The following NUP58 variants were observed in gnomAD, a reference collection of about 807,000 sequenced individuals.
NUP58 encodes nucleoporin 58.
In NUP58, 17 loss-of-function variants were observed where a neutral mutation model predicts 70.1. The ratio of observed to expected loss-of-function variants is 0.24; its 90% confidence interval spans 0.17 to 0.36. The LOEUF (loss-of-function observed/expected upper bound fraction) is 0.36. Ranked by LOEUF, NUP58 falls within the 10% of genes least tolerant of loss-of-function variation. The pLI is 1.00. For synonymous variants in NUP58, 275 were observed against 257.6 expected, an observed-to-expected ratio of 1.07 and a Z score of -0.65; for missense variants, 644 against 701.5, an observed-to-expected ratio of 0.92 and a Z score of 0.93.
intron 1 of NUP58, among the ~76,000 whole-genome samples, chr13:25,306,162 T>C (rs1471913884): frequency 6.6e-6 from 1 of 152,022 alleles, no homozygotes; most frequent in South Asian, 2.1e-4. Flanking sequence ...TCCCAGCACT[T>C]TGGGAGGCCG....
chr13:25,302,995 A>G (rs768294892), intron 1 of NUP58: 1 of 456,692 alleles, frequency 2.2e-6, no homozygotes, highest in South Asian at 1.5e-5. Context: ...CCCATGTGCA[A>G]GGCTCTGTTT....
rs2031766868 is a variant in NUP58, at chr13:25,335,983, A to G, written c.1436-953A>G. 9.9e-6 allele frequency: 11 copies of G among 1,108,660 alleles called. No homozygotes were observed. The South Asian group carries it at 2.3e-4, about 23-fold the overall frequency. The allele number at this position is 1,108,660 out of a possible 1,614,324, so 68.7% of individuals were successfully genotyped here. A position where few individuals can be genotyped will look rare whatever the true frequency, so the allele number is the denominator to read the frequency against. On this transcript the variant is annotated intron_variant, in intron 13 of 15. Coordinates refer to ENST00000381736, the MANE Select transcript of NUP58 (RefSeq NM_014089.4). ...TGTATTCTGCTTAGTTTTAAAAAAA[A>G]AAAATAGTAGTTTAAAAGAGAGGCT...
intron 15 of NUP58, 84 bp from the exon 16 acceptor site, chr13:25,339,881 T>C (rs1593203485): frequency 1.7e-6 from 2 of 1,186,684 alleles, no homozygotes; most frequent in East Asian, 5.0e-5. Flanking sequence ...TTCTTTTAGA[T>C]AGAAATTTAC....
At position 25,328,067 on chromosome 13, in the gene NUP58, C is replaced by T. The variant is rs1216976374; in HGVS notation, c.1233+555C>T. Among the ~76,000 whole-genome samples, 5 of 151,926 alleles carry T rather than the reference C, an allele frequency of 3.3e-5. No homozygotes were observed. In the East Asian group the frequency reaches 9.8e-4, roughly 30 times the overall value. On this transcript the variant is annotated intron_variant, in intron 12 of 15. Transcript: ENST00000381736. ...TACAAAAATTAGCCGGGTATGGTGGCGGGCACTTGTAGTCCCAGCTACCTG... is the reference window on the plus strand; with the variant it reads ...TACAAAAATTAGCCGGGTATGGTGGTGGGCACTTGTAGTCCCAGCTACCTG...
In NUP58 at chr13:25,307,855, C is replaced by T. The variant is rs776763111; in HGVS notation, c.157C>T (p.Pro53Ser). ...TGGAAATCTTGGAAGTACTTCAACT[C>T]CAGCAACTACATCTGCTCCTTCAAG... ...NFGNLGSTST[P>S]ATTSAPSSGF... Residue 53 changes from proline to serine, a missense_variant, in exon 2 of 16, where the codon CCA (proline) becomes TCA (serine). Transcript: ENST00000381736. The T allele has an allele frequency of 1.2e-6, 2 of 1,614,136 alleles. No individual in the cohort carries two copies. The highest frequency in any genetic ancestry group is 1.7e-6 in the Non-Finnish European group (2 of 1,179,998).
At position 25,334,175 on chromosome 13, in the gene NUP58, A is replaced by G. The variant is rs186265974; in HGVS notation, c.1435+2617A>G. ...AATCATGAGCATCGATAACGTGGAT[A>G]ACGTAGTTCCATGTTGGCAGAACTT... On this transcript the variant is annotated intron_variant, in intron 13 of 15. Coordinates refer to ENST00000381736, the MANE Select transcript of NUP58 (RefSeq NM_014089.4). 1.1e-5 allele frequency: 11 copies of G among 985,416 alleles called. No individual in the cohort carries two copies. The Admixed American group carries it at 6.8e-4, about 61-fold the overall frequency. 61.0% of individuals were successfully genotyped at this position (985,416 alleles called of 1,614,324 possible).
chr13:25,324,488 T>A (rs1163767930), intron 9 of NUP58, among the ~76,000 whole-genome samples: 1 of 152,170 alleles, frequency 6.6e-6, no homozygotes, highest in Non-Finnish European at 1.5e-5. Context: ...ACTTAATGGC[T>A]TTGTAAATCC....
chr13:25,307,770 T>C (rs751489703), intron 1 of NUP58, 36 bp from the exon 2 acceptor site: 6 of 1,610,304 alleles, frequency 3.7e-6, no homozygotes, highest in Admixed American at 1.7e-5. Context: ...CTTTTGTGCA[T>C]GTGATTTTTG....
At chr13:25,345,967 T>C (rs182329112), downstream of NUP58, among the ~76,000 whole-genome samples, 12 of 150,852 alleles carry the variant, frequency 8.0e-5, no homozygotes, top group African/African-American at 3.0e-4. Flanking sequence ...CTACCAGGCT[T>C]ACAAAGGTTT....
chr13:25,325,146 TA>T, intron 10 of NUP58, 78 bp downstream of exon 10: 6 of 980,758 alleles, frequency 6.1e-6, no homozygotes, highest in Non-Finnish European at 9.3e-6. Flanking sequence ...ACAAACTAAA[TA>T]TTTTTAGTAT....
At chr13:25,310,573 G>T (rs143923133) in intron 3 of NUP58, among the ~76,000 whole-genome samples, 102 of 125,750 alleles carry the variant, frequency 8.1e-4, no homozygotes, top group African/African-American at 3.0e-3. Context: ...ATGTTGCCTA[G>T]GCTGGTCATG....
chr13:25,302,615 A>G (rs2030082331), intron 1 of NUP58, among the ~76,000 whole-genome samples: 1 of 152,220 alleles, frequency 6.6e-6, no homozygotes, highest in Admixed American at 6.5e-5. Flanking sequence ...GTGGTGAGAC[A>G]TTTTAATGAG....
rs569786006 is a variant in NUP58, at chr13:25,349,357, A to G, written n.322-205A>G. ...CTAGGGTTAGAATCTCAGCTTTATC[A>G]CTTGGTAGCTCTAGTTAGGCAAGTT... is the stretch of plus-strand genomic sequence containing the variant. On this transcript the variant is annotated intron_variant and non_coding_transcript_variant, in intron 3 of 3. Transcript: ENST00000477876. Among the ~76,000 whole-genome samples, 53 of 152,226 alleles carry G rather than the reference A, an allele frequency of 3.5e-4. 1 individual carries two copies. Among genetic ancestry groups the G allele is most frequent in the Non-Finnish European group, 1.3e-4 (9 of 68,038 alleles).
Position 25,304,871 on chromosome 13 carries a change from A to G in NUP58, c.108-2935A>G, listed in dbSNP as rs116790954. Among the ~76,000 whole-genome samples, 410 of 151,896 alleles carry G rather than the reference A, an allele frequency of 2.7e-3. 1 individual carries two copies. Among genetic ancestry groups the G allele is most frequent in the African/African-American group, 9.3e-3 (384 of 41,392 alleles). Reference sequence around the variant, plus strand: ...TATCCCCCAAATACTCATTTACCCTACTCCACATTATACACACAACAGTGT... The same window carrying G: ...TATCCCCCAAATACTCATTTACCCTGCTCCACATTATACACACAACAGTGT... On this transcript the variant is annotated intron_variant, in intron 1 of 15. Transcript: ENST00000381736.
intron 2 of NUP58, among the ~76,000 whole-genome samples, chr13:25,308,830 C>A (rs547342757): frequency 5.3e-5 from 8 of 152,302 alleles, no homozygotes; most frequent in Non-Finnish European, 8.8e-5. Flanking sequence ...GTCATTCTTA[C>A]TACTTTTTGC....
At chr13:25,304,547 A>T (rs1225748168) in intron 1 of NUP58, among the ~76,000 whole-genome samples, 3 of 117,056 alleles carry the variant, frequency 2.6e-5, no homozygotes, top group East Asian at 5.0e-4. Flanking sequence ...AGACAGTCTC[A>T]CTCTTGTTAC....
chr13:25,336,927 TTA>T lies in NUP58; in HGVS notation c.1436-6_1436-5del. ...TTTCCCCCCCATTTTTTTTTTTTTT[TTA>T]TACCAGGGCCACAGCCATCTCTGGG... On this transcript the variant is annotated splice_region_variant and splice_polypyrimidine_tract_variant and intron_variant, in intron 13 of 15. Transcript: ENST00000381736. 2 of 1,513,004 alleles carry T rather than the reference TTA, an allele frequency of 1.3e-6. No individual in the cohort carries two copies. 93.7% of individuals were successfully genotyped at this position (1,513,004 alleles called of 1,614,324 possible).
chr13:25,334,589 T>C (rs2031718010), intron 13 of NUP58: 1 of 984,794 alleles, frequency 1.0e-6, no homozygotes, highest in African/African-American at 1.7e-5. Flanking sequence ...TTTTTCAAAC[T>C]GGGGAAAACG....
chr13:25,330,237 A>G (rs1286323480), intron 12 of NUP58, among the ~76,000 whole-genome samples: 2 of 152,226 alleles, frequency 1.3e-5, no homozygotes, highest in East Asian at 1.9e-4. Flanking sequence ...GCCCAGGACA[A>G]GGAAGGGTGG....
Sources: gnomAD v4.1 joint callset for allele counts (sites outside exome capture counted in the v4.1 genomes callset) on GRCh38, gnomAD v4.1.1 for gene constraint, MANE v1.5 for transcripts, NCBI Gene and HGNC (gene_info 2026-07-23, HGNC 2026-07-21) for gene names.